The following NCF4 variants were observed in gnomAD, a reference collection of about 807,000 sequenced individuals.
The protein encoded by NCF4 is neutrophil cytosolic factor 4, also known as neutrophil cytosol factor 4.
NCF4 carries 30 observed loss-of-function variants against 41.7 expected under a neutral mutation model. That is an observed-to-expected ratio of 0.72 (90% confidence interval 0.54 to 0.97). NCF4 has a LOEUF of 0.97. Ranked by LOEUF, NCF4 falls within the 50% of genes least tolerant of loss-of-function variation. The pLI is 0.00. For synonymous variants in NCF4, 195 were observed against 175.8 expected (o/e 1.11, Z -0.87); for missense variants, 432 against 460.9 (o/e 0.94, Z 0.57).
chr22:36,865,143 T>C lies in NCF4; in HGVS notation c.271+71T>C. The C allele has an allele frequency of 6.3e-7, 1 of 1,582,180 alleles. No individual in the cohort carries two copies. Among genetic ancestry groups the C allele is most frequent in the Non-Finnish European group, 8.6e-7 (1 of 1,166,184 alleles). On this transcript the variant is annotated intron_variant, in intron 3 of 9. Transcript: ENST00000248899. This position sits in a 1 kb window ranked among gnomAD's most constrained non-coding sequence, Gnocchi z 4.3. ...CTTCCTTCCAGGGCCCCTGACACTG[T>C]TCTGTGATTTGATCTCAACCCCAGT...
chr22:36,870,678 A>C lies in NCF4; in HGVS notation c.470+136A>C. ...TGGACACTCCAGGATGATTTGATTT[A>C]TTAGATGGGTTTAGAAAGTCATGTT... On this transcript the variant is annotated intron_variant, in intron 5 of 9. Coordinates refer to ENST00000248899, the MANE Select transcript of NCF4 (RefSeq NM_000631.5). 3 of 1,260,494 alleles carry C rather than the reference A, an allele frequency of 2.4e-6. No individual in the cohort carries two copies. The South Asian group carries it at 3.9e-5, about 16-fold the overall frequency. The allele number at this position is 1,260,494 out of a possible 1,614,324, so 78.1% of individuals were successfully genotyped here. A position where few individuals can be genotyped will look rare whatever the true frequency, so the allele number is the denominator to read the frequency against.
chr22:36,872,487 G>C (rs758383245), intron 7 of NCF4, 62 bp downstream of exon 7: 1 of 1,376,758 alleles, frequency 7.3e-7, no homozygotes, highest in African/African-American at 1.4e-5. Context: ...AATTAAAAGT[G>C]AAGATAGAGG....
At chr22:36,861,331 T>A in intron 1 of NCF4, 128 bp downstream of exon 1, 1 of 1,213,458 alleles carries the variant, frequency 8.2e-7, no homozygotes, top group Non-Finnish European at 1.2e-6. Context: ...ACCCAAATAC[T>A]CAGAAATGCA....
chr22:36,870,383 AC>A, intron 4 of NCF4, 31 bp from the exon 5 acceptor site: 1 of 1,612,342 alleles, frequency 6.2e-7, no homozygotes, highest in South Asian at 1.1e-5. Flanking sequence ...TCTGCTGACT[AC>A]CCCACCGGTT....
Position 36,865,668 on chromosome 22 carries a change from C to A in NCF4, c.271+596C>A, listed in dbSNP as rs1004337482. 2.6e-5 allele frequency among the ~76,000 whole-genome samples: 4 copies of A among 152,198 alleles called. No homozygotes were observed. Among genetic ancestry groups the A allele is most frequent in the African/African-American group, 9.6e-5 (4 of 41,454 alleles). On this transcript the variant is annotated intron_variant, in intron 3 of 9. Coordinates refer to ENST00000248899, the MANE Select transcript of NCF4 (RefSeq NM_000631.5). This position sits in a 1 kb window ranked among gnomAD's most constrained non-coding sequence, Gnocchi z 4.3. ...CCTTAGCTGCTCAGCACCTGCCCCG[C>A]AGGAGGAAACCCCATCACGAATGGG...
Position 36,861,164 on chromosome 22 carries a change from C to G in NCF4, c.-8C>G. 6.4e-7 allele frequency: 1 copy of G among 1,551,490 alleles called. No individual in the cohort carries two copies. The highest frequency in any genetic ancestry group is 8.7e-7 in the Non-Finnish European group (1 of 1,146,838). ...CTCTCCACCTGCTCCCTGGGACCAT[C>G]GCCCACCATGGCTGTGGCCCAGCAG... is the stretch of plus-strand genomic sequence containing the variant. On this transcript the variant is annotated 5_prime_UTR_variant, in exon 1 of 10. The change creates a new upstream start codon in the 5' untranslated region. Transcript: ENST00000248899.
intron 1 of NCF4, 148 bp downstream of exon 1, chr22:36,861,351 A>C: frequency 9.5e-7 from 1 of 1,047,346 alleles, no homozygotes; most frequent in Non-Finnish European, 1.4e-6. Flanking sequence ...AACCTCTCAG[A>C]ACTGCTTTAA....
chr22:36,872,936 ATGGAGGTGAGAT>A (rs796971322), intron 7 of NCF4, among the ~76,000 whole-genome samples: 5,806 of 82,896 alleles, frequency 0.07, 566 homozygotes, highest in African/African-American at 0.24. Context: ...GGAGGTGAGG[ATGGAGGTGAGAT>A]TGGAGGTGAG....
chr22:36,863,972 T>C, intron 1 of NCF4, 73 bp from the exon 2 acceptor site: 1 of 1,405,816 alleles, frequency 7.1e-7, no homozygotes, highest in East Asian at 2.3e-5. Context: ...CTTTGCACTC[T>C]ACCTCATACC....
At chr22:36,870,665 GAT>G in intron 5 of NCF4, 123 bp downstream of exon 5, 2 of 1,353,810 alleles carry the variant, frequency 1.5e-6, no homozygotes, top group Non-Finnish European at 2.0e-6. Context: ...GACACTCCAG[GAT>G]GATTTGATTT....
intron 3 of NCF4, among the ~76,000 whole-genome samples, chr22:36,866,743 G>A (rs1357246044): frequency 6.6e-6 from 1 of 152,144 alleles, no homozygotes; most frequent in African/African-American, 2.4e-5. Flanking sequence ...GAAGGCACCT[G>A]GAGGGGACAT....
chr22:36,867,142 T>TGC (rs745749119), intron 3 of NCF4, among the ~76,000 whole-genome samples: 41 of 150,662 alleles, frequency 2.7e-4, no homozygotes, highest in South Asian at 8.4e-4. Context: ...TGTGTGTGTG[T>TGC]GCGCTTGGAT....
chr22:36,866,569 C>A (rs961783836), intron 3 of NCF4, among the ~76,000 whole-genome samples: 1 of 152,170 alleles, frequency 6.6e-6, no homozygotes, highest in Non-Finnish European at 1.5e-5. Flanking sequence ...ACTTAATTGT[C>A]ACGTTTTTGC....
intron 4 of NCF4, among the ~76,000 whole-genome samples, chr22:36,868,554 A>G (rs1442504708): frequency 6.6e-6 from 1 of 150,964 alleles, no homozygotes; most frequent in Non-Finnish European, 1.5e-5. Context: ...CTGGGCTCTG[A>G]GCAGGGAAGA....
chr22:36,864,154 C>T, intron 2 of NCF4, 25 bp downstream of exon 2: 2 of 1,578,934 alleles, frequency 1.3e-6, no homozygotes, highest in Non-Finnish European at 1.7e-6. Context: ...TAGTCCTTCA[C>T]CCAACAACCT....
At chr22:36,862,609 G>A (rs9619637) in intron 1 of NCF4, among the ~76,000 whole-genome samples, 1 of 152,120 alleles carries the variant, frequency 6.6e-6, no homozygotes, top group African/African-American at 2.4e-5. Context: ...GCCCTCAGAG[G>A]GGGAGGGACT....
chr22:36,862,740 A>G (rs1464145767), intron 1 of NCF4, among the ~76,000 whole-genome samples: 2 of 152,208 alleles, frequency 1.3e-5, no homozygotes, highest in East Asian at 3.8e-4. Context: ...GTACAAGGAG[A>G]GGGCGCAGGT....
At chr22:36,862,093 A>C (rs543307317) in intron 1 of NCF4, among the ~76,000 whole-genome samples, 5 of 152,184 alleles carry the variant, frequency 3.3e-5, no homozygotes, top group Non-Finnish European at 7.4e-5. Context: ...ATTTTTCCTC[A>C]GTAGCCAGGT....
chr22:36,873,373 G>A (rs1343961752), intron 7 of NCF4, among the ~76,000 whole-genome samples: 3 of 151,692 alleles, frequency 2.0e-5, no homozygotes, highest in Non-Finnish European at 4.4e-5. Context: ...GGTTGGAGGT[G>A]AGGATGGAGG....
Sources: gnomAD v4.1 joint callset for allele counts (sites outside exome capture counted in the v4.1 genomes callset) on GRCh38, gnomAD v4.1.1 for gene constraint, Gnocchi (gnomAD v3.1) non-coding constraint, MANE v1.5 for transcripts, NCBI Gene and HGNC (gene_info 2026-07-23, HGNC 2026-07-21) for gene names.